Variants in VMP1 observed in about 807,000 individuals in gnomAD.
VMP1 encodes the protein ectopic P-granules autophagy protein 3 homolog.
Under a neutral mutation model 56.0 loss-of-function variants are expected in VMP1, and 11 were observed. The observed-to-expected ratio is 0.20, with a 90% CI of 0.12 to 0.32. VMP1 has a LOEUF of 0.32. VMP1 is among the 10% of genes least tolerant of loss of function. The pLI is 1.00. For missense variants in VMP1, 296 were observed against 490.3 expected (o/e 0.60, Z 3.74); for synonymous variants, 149 against 165.0 (o/e 0.90, Z 0.74).
chr17:59,832,319 C>T (rs2038835960), intron 10 of VMP1, among the ~76,000 whole-genome samples: 2 of 148,266 alleles, frequency 1.3e-5, no homozygotes, highest in Non-Finnish European at 3.0e-5. Flanking sequence ...CGTGCCATCA[C>T]ACCTGGCTAA....
rs577000625 is a variant in VMP1 at position 59,794,028 on chromosome 17, C to T, written c.715-14768C>T. On this transcript the variant is annotated intron_variant, in intron 7 of 11. Transcript: ENST00000262291. Reference sequence around the variant, plus strand: ...CTCCGCCTCCCAGGTTCATGCCATTCTCCTGCCCCAGCCTCCCGAGTAGCT... The same window carrying T: ...CTCCGCCTCCCAGGTTCATGCCATTTTCCTGCCCCAGCCTCCCGAGTAGCT... Among the ~76,000 whole-genome samples the T allele has an allele frequency of 6.6e-5, 10 of 151,576 alleles. No individual in the cohort carries two copies. The South Asian group carries it at 1.5e-3, about 22-fold the overall frequency.
chr17:59,813,683 G>C (rs2038130760), intron 9 of VMP1, among the ~76,000 whole-genome samples: 1 of 151,810 alleles, frequency 6.6e-6, no homozygotes. Context: ...TTAATCTTTA[G>C]AGTTGTTTCT....
chr17:59,754,111 GAT>G (rs1233438020), intron 5 of VMP1, among the ~76,000 whole-genome samples: 3 of 152,076 alleles, frequency 2.0e-5, no homozygotes, highest in African/African-American at 7.2e-5. Context: ...TAAAGTTTGG[GAT>G]TATTTCATTA....
Position 59,735,393 on chromosome 17 carries a change from T to G in VMP1, c.132T>G (p.Ile44Met), listed in dbSNP as rs760935998. The change falls in exon 3 of 12, where the codon ATT (isoleucine) becomes ATG (methionine). Residue 44 changes from isoleucine to methionine, a missense_variant. This residue lies in a region of VMP1 where 69 missense variants were observed against 76.6 expected (regional missense o/e 0.90). Coordinates refer to ENST00000262291, the MANE Select transcript of VMP1 (RefSeq NM_030938.5). Reference protein sequence around the residue: ...KRREREERQNIVLWRQPLITL... With the variant: ...KRREREERQNMVLWRQPLITL... Reference sequence around the variant, plus strand: ...GGGAGCGGGAAGAAAGGCAGAATATTGTCCTGTGGAGACAGCCGCTCATTA... The same window carrying G: ...GGGAGCGGGAAGAAAGGCAGAATATGGTCCTGTGGAGACAGCCGCTCATTA... The G allele has an allele frequency of 6.2e-7, 1 of 1,614,164 alleles. No individual in the cohort carries two copies.
chr17:59,750,302 A>C (rs1309366269), intron 5 of VMP1, among the ~76,000 whole-genome samples: 2 of 143,112 alleles, frequency 1.4e-5, no homozygotes, highest in Non-Finnish European at 3.0e-5. Flanking sequence ...ACAATGAATA[A>C]TTTTTTTTTT....
At chr17:59,719,107 G>T (rs957135965) in intron 1 of VMP1, among the ~76,000 whole-genome samples, 2 of 152,148 alleles carry the variant, frequency 1.3e-5, no homozygotes, top group African/African-American at 4.8e-5. Context: ...ACTCAGATTA[G>T]TTATTTTGTT....
intron 5 of VMP1, among the ~76,000 whole-genome samples, chr17:59,748,897 T>TC (rs2035535044): frequency 6.7e-6 from 1 of 148,414 alleles, no homozygotes; most frequent in Non-Finnish European, 1.5e-5. Context: ...ATTATTTATT[T>TC]TTTTTTTTTG....
At chr17:59,733,244 G>A (rs2034901368) in intron 2 of VMP1, among the ~76,000 whole-genome samples, 1 of 151,866 alleles carries the variant, frequency 6.6e-6, no homozygotes, top group African/African-American at 2.4e-5. Flanking sequence ...CATTGTACGA[G>A]TGTGCTGTAC....
intron 5 of VMP1, among the ~76,000 whole-genome samples, chr17:59,756,838 A>G (rs1344903373): frequency 6.6e-6 from 1 of 152,326 alleles, no homozygotes; most frequent in Admixed American, 6.5e-5. Context: ...CCCTAAAGTA[A>G]ACCCAACAGT....
At chr17:59,835,963 C>A (rs2038968169) in intron 10 of VMP1, among the ~76,000 whole-genome samples, 1 of 149,990 alleles carries the variant, frequency 6.7e-6, no homozygotes, top group Non-Finnish European at 1.5e-5. Context: ...TGCATTCCCA[C>A]CTGTAATATA....
At chr17:59,787,312 C>T (rs1429774819) in intron 7 of VMP1, among the ~76,000 whole-genome samples, 1 of 152,154 alleles carries the variant, frequency 6.6e-6, no homozygotes, top group African/African-American at 2.4e-5. Flanking sequence ...CCACCTCACT[C>T]GCAGACTTTA....
chr17:59,783,151 G>A (rs1568138052), intron 7 of VMP1, among the ~76,000 whole-genome samples: 1 of 152,084 alleles, frequency 6.6e-6, no homozygotes. Context: ...AGTCAAGATC[G>A]CGCCACTGCA....
chr17:59,729,729 A>G (rs1271229854), intron 1 of VMP1: 1 of 134,776 alleles, frequency 7.4e-6, no homozygotes, highest in Admixed American at 8.0e-5. Flanking sequence ...CCTGTCACCC[A>G]GGCTGGAGCG....
chr17:59,727,775 CACAT>C (rs1446875796), intron 1 of VMP1, among the ~76,000 whole-genome samples: 21 of 152,176 alleles, frequency 1.4e-4, no homozygotes, highest in Admixed American at 2.0e-4. Context: ...TTTATAGTCA[CACAT>C]GCATGCGTAT....
At chr17:59,775,686 C>T (rs1234049211) in intron 7 of VMP1, among the ~76,000 whole-genome samples, 1 of 152,144 alleles carries the variant, frequency 6.6e-6, no homozygotes, top group South Asian at 2.1e-4. Flanking sequence ...TTGCCTTTGC[C>T]TCAGTCAGAT....
intron 10 of VMP1, among the ~76,000 whole-genome samples, chr17:59,830,450 A>C (rs1159135639): frequency 2.6e-5 from 4 of 152,098 alleles, no homozygotes; most frequent in Non-Finnish European, 4.4e-5. Context: ...GACTTATGAC[A>C]CCCTGAGATT....
At chr17:59,739,917 T>C (rs2035163856) in intron 5 of VMP1, among the ~76,000 whole-genome samples, 2 of 149,368 alleles carry the variant, frequency 1.3e-5, no homozygotes, top group South Asian at 4.2e-4. Context: ...CTACTAAATA[T>C]ACAAAAAAAA....
chr17:59,801,122 GTGTGT>G (rs2037644035), intron 7 of VMP1, among the ~76,000 whole-genome samples: 1 of 133,108 alleles, frequency 7.5e-6, no homozygotes, highest in African/African-American at 3.6e-5. Context: ...ATGTGTGTGT[GTGTGT>G]GTGTGTGTGT....
chr17:59,778,744 C>A lies in VMP1; in HGVS notation c.714+4859C>A, dbSNP rs533149345. On this transcript the variant is annotated intron_variant, in intron 7 of 11. Coordinates refer to ENST00000262291, the MANE Select transcript of VMP1 (RefSeq NM_030938.5). ...TTCTCCATGATGGATCCTTCAATTTCTTGCCTAGGCAATGCAGACAGTCCC... is the reference window on the plus strand; with the variant it reads ...TTCTCCATGATGGATCCTTCAATTTATTGCCTAGGCAATGCAGACAGTCCC... Among the ~76,000 whole-genome samples, 7 of 152,302 alleles carry A rather than the reference C, an allele frequency of 4.6e-5. No individual in the cohort carries two copies. The East Asian group carries it at 1.3e-3, about 29-fold the overall frequency.
Sources: gnomAD v4.1 joint callset for allele counts (sites outside exome capture counted in the v4.1 genomes callset) on GRCh38, gnomAD v4.1.1 for gene constraint, gnomAD v4.1.1 regional missense constraint, MANE v1.5 for transcripts, NCBI Gene and HGNC (gene_info 2026-07-23, HGNC 2026-07-21) for gene names.